Variants in PDE3B observed in about 807,000 individuals in gnomAD.
The protein encoded by PDE3B is phosphodiesterase 3B, also known as cGMP-inhibited 3',5'-cyclic phosphodiesterase 3B.
Under a neutral mutation model 116.8 loss-of-function variants are expected in PDE3B, and 66 were observed. That is an observed-to-expected ratio of 0.56 (90% confidence interval 0.46 to 0.69). PDE3B has a LOEUF of 0.69. PDE3B is among the 30% of genes least tolerant of loss of function. The probability of loss-of-function intolerance (pLI) is 0.00; values close to 1 mark genes in which losing one functional copy is unlikely to be tolerated. For synonymous variants in PDE3B, 595 were observed against 533.6 expected (o/e 1.12, Z -1.59); for missense variants, 1,384 against 1,368.1 (o/e 1.01, Z -0.18).
chr11:14,677,015 A>G (rs1422135557), intron 1 of PDE3B, among the ~76,000 whole-genome samples: 1 of 152,128 alleles, frequency 6.6e-6, no homozygotes, highest in Non-Finnish European at 1.5e-5. Flanking sequence ...TGCTTTTTCC[A>G]TGTAGATAAC....
chr11:14,757,568 T>G (rs1203325414), intron 1 of PDE3B, among the ~76,000 whole-genome samples: 1 of 128,724 alleles, frequency 7.8e-6, no homozygotes, highest in Non-Finnish European at 1.6e-5. Context: ...GATGAGCATT[T>G]TTTCATGTGT....
At chr11:14,890,184 C>T in the PDE3B span, among the ~76,000 whole-genome samples, 1 of 151,652 alleles carries the variant, frequency 6.6e-6, no homozygotes, top group African/African-American at 2.4e-5. Context: ...ACTTGAGTAG[C>T]ACTTTTCTGT....
In PDE3B at chr11:14,739,984, G is replaced by A. The variant is rs372038780; in HGVS notation, c.979-31953G>A. 5.3e-5 allele frequency among the ~76,000 whole-genome samples: 8 copies of A among 152,246 alleles called. No homozygotes were observed. The East Asian group carries it at 9.6e-4, about 18-fold the overall frequency. On this transcript the variant is annotated intron_variant, in intron 1 of 15. Transcript: ENST00000282096. Reference sequence around the variant, plus strand: ...GATTGTGGTGGATAAGCTTTTTGATGTCCTGCTGGATTCGGTTTGCCAGTA... The same window carrying A: ...GATTGTGGTGGATAAGCTTTTTGATATCCTGCTGGATTCGGTTTGCCAGTA...
chr11:14,818,455 C>T, intron 6 of PDE3B, 62 bp downstream of exon 6: 1 of 1,110,624 alleles, frequency 9.0e-7, no homozygotes, highest in Non-Finnish European at 1.4e-6. Context: ...AAGTCCTCAA[C>T]ATTTTGGATA....
intron 1 of PDE3B, among the ~76,000 whole-genome samples, chr11:14,662,643 G>A (rs921595864): frequency 1.3e-5 from 2 of 152,184 alleles, no homozygotes; most frequent in African/African-American, 2.4e-5. Flanking sequence ...GCCAAGGCTC[G>A]AGAACTACGT....
chr11:14,659,983 G>A (rs1717089659), intron 1 of PDE3B, among the ~76,000 whole-genome samples: 1 of 152,134 alleles, frequency 6.6e-6, no homozygotes, highest in African/African-American at 2.4e-5. Flanking sequence ...TCCCAGTTCT[G>A]TGTTCCCCCA....
At chr11:14,700,854 T>G (rs551492906) in intron 1 of PDE3B, 1 of 151,974 alleles carries the variant, frequency 6.6e-6, no homozygotes, top group East Asian at 1.9e-4. Context: ...AAGATGAAAC[T>G]GAAACTAAAA....
At chr11:14,774,539 C>G (rs1024466586) in intron 2 of PDE3B, 2 of 152,200 alleles carry the variant, frequency 1.3e-5, no homozygotes, top group Non-Finnish European at 2.9e-5. Flanking sequence ...TTTGCCGTCC[C>G]CAGTGCTTCT....
At chr11:14,775,083 T>G (rs1275716508) in intron 2 of PDE3B, 1 of 152,232 alleles carries the variant, frequency 6.6e-6, no homozygotes, top group African/African-American at 2.4e-5. Context: ...TGCATTGCGT[T>G]CTATCACATC....
At chr11:14,662,565 A>G (rs895095931) in intron 1 of PDE3B, among the ~76,000 whole-genome samples, 1 of 152,096 alleles carries the variant, frequency 6.6e-6, no homozygotes, top group Non-Finnish European at 1.5e-5. Flanking sequence ...TTTGAAAAAA[A>G]TTTAGACGAA....
intron 2 of PDE3B, among the ~76,000 whole-genome samples, chr11:14,784,244 C>T (rs1309457361): frequency 6.6e-6 from 1 of 152,110 alleles, no homozygotes; most frequent in African/African-American, 2.4e-5. Context: ...CTTGAAGTAA[C>T]AGGAAGGAAG....
chr11:14,854,763 C>T (rs1847818531), intron 12 of PDE3B, among the ~76,000 whole-genome samples: 1 of 152,166 alleles, frequency 6.6e-6, no homozygotes, highest in South Asian at 2.1e-4. Flanking sequence ...GATCTGCCCA[C>T]TTCAGCCACC....
At chr11:14,890,609 C>T in the PDE3B span, 20 of 203,930 alleles carry the variant, frequency 9.8e-5, no homozygotes, top group African/African-American at 5.8e-4. Flanking sequence ...TGCAGTGGCG[C>T]GATCTCGGCT....
At chr11:14,672,304 A>G (rs1471755555) in intron 1 of PDE3B, among the ~76,000 whole-genome samples, 1 of 151,940 alleles carries the variant, frequency 6.6e-6, no homozygotes, top group African/African-American at 2.4e-5. Context: ...TATAGCTATT[A>G]CAAATGGCAC....
intron 5 of PDE3B, among the ~76,000 whole-genome samples, chr11:14,810,768 G>C (rs1859101314): frequency 6.9e-6 from 1 of 144,890 alleles, no homozygotes; most frequent in Non-Finnish European, 1.5e-5. Flanking sequence ...GGTTGAACTA[G>C]TTTACAGTCC....
In PDE3B at chr11:14,644,789, G is replaced by T; in HGVS notation, c.714G>T (p.Gly238=). 1 of 1,610,312 alleles carries T rather than the reference G, an allele frequency of 6.2e-7. No individual in the cohort carries two copies. The highest frequency in any genetic ancestry group is 8.5e-7 in the Non-Finnish European group (1 of 1,178,452). The change falls in exon 1 of 16, where the codon GGG becomes GGT. Residue 238 remains glycine (G), a synonymous_variant. Transcript: ENST00000282096. ...FVWWVSFTSL[G]SLPSALRPLL... is the part of the protein sequence containing the mutation. Reference sequence around the variant, plus strand: ...GGTGGGTCTCCTTCACCAGCCTCGGGTCGCTGCCCTCCGCCCTCAGGCCGC... The same window carrying T: ...GGTGGGTCTCCTTCACCAGCCTCGGTTCGCTGCCCTCCGCCCTCAGGCCGC...
At chr11:14,694,105 A>C (rs1855130536) in intron 1 of PDE3B, among the ~76,000 whole-genome samples, 1 of 152,152 alleles carries the variant, frequency 6.6e-6, no homozygotes. Flanking sequence ...GATGTGACTG[A>C]ATTACTTCAG....
intron 1 of PDE3B, among the ~76,000 whole-genome samples, chr11:14,689,030 C>T (rs1327552162): frequency 6.6e-6 from 1 of 152,210 alleles, no homozygotes; most frequent in African/African-American, 2.4e-5. Flanking sequence ...TCCTCGGCCT[C>T]CCAAAGTGCT....
chr11:14,645,925 C>T (rs1450926383), intron 1 of PDE3B, among the ~76,000 whole-genome samples: 2 of 152,164 alleles, frequency 1.3e-5, no homozygotes, highest in Admixed American at 6.5e-5. Context: ...TTTACACATA[C>T]TGTCTCAGAT....
Sources: gnomAD v4.1 joint callset for allele counts (sites outside exome capture counted in the v4.1 genomes callset) on GRCh38, gnomAD v4.1.1 for gene constraint, MANE v1.5 for transcripts, NCBI Gene and HGNC (gene_info 2026-07-23, HGNC 2026-07-21) for gene names.